Variants in ITGB6 observed in about 807,000 individuals in gnomAD.
The protein encoded by ITGB6 is integrin subunit beta 6, also known as integrin beta-6.
ITGB6 carries 80 observed loss-of-function variants against 84.5 expected under a neutral mutation model. The ratio of observed to expected loss-of-function variants is 0.95; its 90% CI spans 0.79 to 1.14. The LOEUF (loss-of-function observed/expected upper bound fraction) is 1.14. Ranked by LOEUF, ITGB6 falls within the 50% of genes most tolerant of loss-of-function variation. ITGB6 has a pLI of 0.00. For synonymous variants in ITGB6, 383 were observed against 354.9 expected (o/e 1.08, Z -0.89); for missense variants, 1,006 against 968.0 (o/e 1.04, Z -0.52).
chr2:160,166,600 C>G (rs979034075), intron 7 of ITGB6, among the ~76,000 whole-genome samples: 4 of 151,956 alleles, frequency 2.6e-5, no homozygotes, highest in Non-Finnish European at 4.4e-5. Context: ...AATATAAAAA[C>G]TTTTTTTTAA....
At chr2:160,170,074 A>G (rs1234862418) in intron 6 of ITGB6, among the ~76,000 whole-genome samples, 1 of 152,212 alleles carries the variant, frequency 6.6e-6, no homozygotes, top group Admixed American at 6.5e-5. Context: ...GTACAGAGGA[A>G]ACTCAAGTGA....
intron 6 of ITGB6, among the ~76,000 whole-genome samples, chr2:160,172,228 T>G (rs1459791410): frequency 6.6e-6 from 1 of 152,240 alleles, no homozygotes; most frequent in African/African-American, 2.4e-5. Flanking sequence ...CCTATGTGGC[T>G]ACTGTTCTGG....
At chr2:160,184,801 C>T (rs1267168117) in intron 4 of ITGB6, among the ~76,000 whole-genome samples, 1 of 152,192 alleles carries the variant, frequency 6.6e-6, no homozygotes, top group Non-Finnish European at 1.5e-5. Context: ...TGGCTTCATC[C>T]CTGTGATGCA....
intron 10 of ITGB6, 49 bp from the exon 11 acceptor site, chr2:160,126,650 G>A (rs752507327): frequency 2.6e-6 from 4 of 1,543,944 alleles, no homozygotes; most frequent in Non-Finnish European, 2.7e-6. Flanking sequence ...AACACTTGCA[G>A]ATTTGAGGGG....
chr2:160,147,049 A>G (rs1406139649), intron 7 of ITGB6, among the ~76,000 whole-genome samples: 7 of 150,660 alleles, frequency 4.6e-5, no homozygotes, highest in African/African-American at 1.2e-4. Flanking sequence ...CAGCCACTGC[A>G]TTCCAGCCTG....
At chr2:160,142,871 T>C (rs545653184) in intron 7 of ITGB6, among the ~76,000 whole-genome samples, 2 of 152,350 alleles carry the variant, frequency 1.3e-5, no homozygotes, top group East Asian at 3.9e-4. Flanking sequence ...ATGTTTTAAA[T>C]TTTGTTGTTT....
chr2:160,118,117 C>G (rs1190700330), intron 12 of ITGB6, among the ~76,000 whole-genome samples: 1 of 152,202 alleles, frequency 6.6e-6, no homozygotes, highest in African/African-American at 2.4e-5. Flanking sequence ...CCTTCTGAAA[C>G]TATTCCAATC....
Position 160,183,407 on chromosome 2 carries a change from T to TG in ITGB6, c.594-9269dup, listed in dbSNP as rs775885374. ...AAAGACAAAGAAGGGCATTACATAA[T>TG]GGTAAAGGGATCAACACAACAAGAA... On this transcript the variant is annotated intron_variant, in intron 4 of 14. Coordinates refer to ENST00000283249, the MANE Select transcript of ITGB6 (RefSeq NM_000888.5). Among the ~76,000 whole-genome samples, 153 of 152,276 alleles carry TG rather than the reference T, an allele frequency of 1.0e-3. 1 individual carries two copies. Among genetic ancestry groups the TG allele is most frequent in the Middle Eastern group, 3.4e-3 (1 of 294 alleles).
chr2:160,190,092 A>C (rs1382666691), intron 4 of ITGB6, among the ~76,000 whole-genome samples: 1 of 151,986 alleles, frequency 6.6e-6, no homozygotes, highest in African/African-American at 2.4e-5. Flanking sequence ...TTCTCAGCAA[A>C]CTATCACAAG....
intron 7 of ITGB6, among the ~76,000 whole-genome samples, chr2:160,165,499 C>G (rs531952489): frequency 2.0e-5 from 3 of 152,320 alleles, no homozygotes; most frequent in East Asian, 3.8e-4. Context: ...TATTTTCTCT[C>G]TCTATTTTCT....
chr2:160,130,009 C>A (rs1292875036), intron 10 of ITGB6, among the ~76,000 whole-genome samples: 26 of 151,962 alleles, frequency 1.7e-4, no homozygotes, highest in Admixed American at 1.7e-3. Flanking sequence ...AGAAATGCAT[C>A]ATTAGGTGAT....
intron 5 of ITGB6, among the ~76,000 whole-genome samples, chr2:160,173,614 C>T (rs1024286565): frequency 1.6e-4 from 24 of 152,128 alleles, no homozygotes; most frequent in African/African-American, 3.6e-4. Flanking sequence ...CATATACTGA[C>T]GTAGAGCATT....
intron 4 of ITGB6, among the ~76,000 whole-genome samples, chr2:160,183,981 T>C (rs1685792666): frequency 6.6e-6 from 1 of 152,150 alleles, no homozygotes; most frequent in African/African-American, 2.4e-5. Context: ...GCTAAAGCAG[T>C]GTTTAGAGAG....
intron 4 of ITGB6, among the ~76,000 whole-genome samples, chr2:160,189,760 T>C (rs1052809148): frequency 1.3e-5 from 2 of 152,110 alleles, no homozygotes; most frequent in African/African-American, 4.8e-5. Context: ...TTGGTGGGAC[T>C]GTAAACTAGT....
chr2:160,118,416 C>T (rs1489417450), intron 12 of ITGB6, among the ~76,000 whole-genome samples: 1 of 152,174 alleles, frequency 6.6e-6, no homozygotes, highest in Non-Finnish European at 1.5e-5. Flanking sequence ...ACAAAAACCA[C>T]ATGATTATCT....
rs574219694 is a variant in ITGB6, at chr2:160,189,540, G to A, written c.593+5829C>T. On this transcript the variant is annotated intron_variant, in intron 4 of 14. Coordinates refer to ENST00000283249, the MANE Select transcript of ITGB6 (RefSeq NM_000888.5). ...CAAACAACCCCATCAAAAAGTGGGC[G>A]AAGGATATGAACAGACACTTGTCAA... Among the ~76,000 whole-genome samples, 984 of 152,150 alleles carry A rather than the reference G, an allele frequency of 6.5e-3. 12 individuals are homozygous for A. The highest frequency in any genetic ancestry group is 0.021 in the East Asian group (109 of 5,178).
Position 160,139,586 on chromosome 2 carries a change from C to T in ITGB6, c.1108-1387G>A, listed in dbSNP as rs370752193. On this transcript the variant is annotated intron_variant, in intron 8 of 14. Coordinates refer to ENST00000283249, the MANE Select transcript of ITGB6 (RefSeq NM_000888.5). ...AAGACTGTGACAGCAATTATGAGGA[C>T]TAGTGGATGACATGATCTGACCTAA... Among the ~76,000 whole-genome samples the T allele has an allele frequency of 2.7e-3, 410 of 152,210 alleles. 1 individual carries two copies. The highest frequency in any genetic ancestry group is 4.8e-3 in the Non-Finnish European group (327 of 68,012).
intron 7 of ITGB6, among the ~76,000 whole-genome samples, chr2:160,150,568 G>A (rs1378682972): frequency 1.3e-5 from 2 of 152,140 alleles, no homozygotes; most frequent in East Asian, 1.9e-4. Context: ...AAAATAACCA[G>A]CGAACATCAT....
intron 7 of ITGB6, among the ~76,000 whole-genome samples, chr2:160,148,761 C>T (rs1157794457): frequency 1.3e-5 from 2 of 152,184 alleles, no homozygotes; most frequent in African/African-American, 4.8e-5. Flanking sequence ...TGTGCTTTTC[C>T]CAAGGTCTTA....
Sources: allele counts gnomAD v4.1 joint callset (sites outside exome capture counted in the v4.1 genomes callset), GRCh38; gene constraint gnomAD v4.1.1; transcripts MANE v1.5; gene names NCBI Gene and HGNC (gene_info 2026-07-23, HGNC 2026-07-21).